The following RPGRIP1 variants were observed in gnomAD, a reference collection of about 807,000 sequenced individuals.
RPGRIP1 encodes the protein RPGR interacting protein 1.
RPGRIP1 carries 128 observed loss-of-function variants against 157.9 expected under a neutral mutation model. That is an observed-to-expected ratio of 0.81 (90% CI 0.70 to 0.94). RPGRIP1 has a LOEUF of 0.94. Ranked by LOEUF, RPGRIP1 falls within the 40% of genes least tolerant of loss-of-function variation. The pLI is 0.00. For synonymous variants in RPGRIP1, 554 were observed against 571.6 expected, an observed-to-expected ratio of 0.97 and a Z score of 0.44; for missense variants, 1,486 against 1,545.8, an observed-to-expected ratio of 0.96 and a Z score of 0.65.
At chr14:21,331,053 G>A (rs1232638887) in intron 20 of RPGRIP1, among the ~76,000 whole-genome samples, 7 of 151,784 alleles carry the variant, frequency 4.6e-5, no homozygotes, top group Admixed American at 3.9e-4. Context: ...GGGATTACAG[G>A]TATGTGCCAC....
intron 21 of RPGRIP1, among the ~76,000 whole-genome samples, chr14:21,342,160 T>C (rs1453030541): frequency 6.6e-6 from 1 of 152,064 alleles, no homozygotes; most frequent in Non-Finnish European, 1.5e-5. Flanking sequence ...CTCTTTGCTA[T>C]AGTGGCTGAA....
At chr14:21,346,252 CA>C (rs1188856822) in intron 23 of RPGRIP1, among the ~76,000 whole-genome samples, 1 of 142,294 alleles carries the variant, frequency 7.0e-6, no homozygotes, top group East Asian at 2.1e-4. Context: ...GGGACATACC[CA>C]AAAAAAAATT....
At chr14:21,338,435 A>G (rs1884636338) in intron 21 of RPGRIP1, among the ~76,000 whole-genome samples, 2 of 152,172 alleles carry the variant, frequency 1.3e-5, no homozygotes, top group African/African-American at 4.8e-5. Flanking sequence ...GGCACATCTG[A>G]GCTAATAAGC....
intron 20 of RPGRIP1, 98 bp downstream of exon 20, chr14:21,330,485 G>C: frequency 1.2e-6 from 1 of 828,284 alleles, no homozygotes. Flanking sequence ...TGGCCAACAT[G>C]ATGAAACCCG....
At chr14:21,340,078 T>C (rs1242153013) in intron 21 of RPGRIP1, among the ~76,000 whole-genome samples, 3 of 152,186 alleles carry the variant, frequency 2.0e-5, no homozygotes, top group Non-Finnish European at 4.4e-5. Flanking sequence ...GAGCTACCCA[T>C]GTACTGGGTA....
chr14:21,301,146 T>A lies in RPGRIP1; in HGVS notation c.399T>A (p.Pro133=). 1 of 1,596,338 alleles carries A rather than the reference T, an allele frequency of 6.3e-7. No homozygotes were observed. Among genetic ancestry groups the A allele is most frequent in the South Asian group, 1.1e-5 (1 of 89,266 alleles). ...RLQGHFHCVG[P]ASPRRAQPRV... ...AAGGGCATTTCCACTGCGTCGGCCCTGCCAGCCCCCGCCGCGCCCAGCCTC... is the reference window on the plus strand; with the variant it reads ...AAGGGCATTTCCACTGCGTCGGCCCAGCCAGCCCCCGCCGCGCCCAGCCTC... The change falls in exon 4 of 25, where the codon CCT becomes CCA. Residue 133 remains proline, a synonymous_variant. Transcript: ENST00000400017.
intron 21 of RPGRIP1, among the ~76,000 whole-genome samples, chr14:21,340,512 G>A (rs531746680): frequency 6.6e-5 from 10 of 152,164 alleles, no homozygotes; most frequent in Non-Finnish European, 1.5e-4. Context: ...AAAATTAGTC[G>A]GGCATGGTGG....
rs554241226 is a variant in RPGRIP1, at chr14:21,304,414, A to G, written c.800+871A>G. Among the ~76,000 whole-genome samples, 401 of 151,184 alleles carry G rather than the reference A, an allele frequency of 2.7e-3. 2 individuals are homozygous for G. Among genetic ancestry groups the G allele is most frequent in the South Asian group, 5.7e-3 (27 of 4,762 alleles). The stretch of plus-strand genomic sequence containing the variant: ...GAGAAAGAAAGAAAGAAAGAAAGAA[A>G]GAAAGAAAGAAAGAAAGAAAGAAAG... On this transcript the variant is annotated intron_variant, in intron 6 of 24. Coordinates refer to ENST00000400017, the MANE Select transcript of RPGRIP1 (RefSeq NM_020366.4).
chr14:21,318,729 C>G (rs572387404), intron 11 of RPGRIP1, among the ~76,000 whole-genome samples: 2 of 152,268 alleles, frequency 1.3e-5, no homozygotes, highest in East Asian at 3.9e-4. Context: ...CCCGCCTCAG[C>G]CTCCCAAAGT....
intron 10 of RPGRIP1, among the ~76,000 whole-genome samples, chr14:21,315,129 A>G (rs1174006417): frequency 2.0e-5 from 3 of 152,074 alleles, no homozygotes; most frequent in African/African-American, 7.2e-5. Context: ...GGTTGCATTG[A>G]GCCATGTGCA....
In RPGRIP1 at chr14:21,303,315, T is replaced by C. The variant is rs1436214002; in HGVS notation, c.588-16T>C. Reference sequence around the variant, plus strand: ...CTCCTGTAACAACAGTTTCTAAGTATCCTTTTTGTATTTAGTGTTTCTGGT... The same window carrying C: ...CTCCTGTAACAACAGTTTCTAAGTACCCTTTTTGTATTTAGTGTTTCTGGT... On this transcript the variant is annotated splice_polypyrimidine_tract_variant and intron_variant, in intron 5 of 24. Coordinates refer to ENST00000400017, the MANE Select transcript of RPGRIP1 (RefSeq NM_020366.4). 1 of 1,585,696 alleles carries C rather than the reference T, an allele frequency of 6.3e-7. No individual in the cohort carries two copies. The highest frequency in any genetic ancestry group is 2.2e-5 in the East Asian group (1 of 44,660).
At chr14:21,344,903 G>A (rs935921365) in intron 22 of RPGRIP1, among the ~76,000 whole-genome samples, 2 of 151,984 alleles carry the variant, frequency 1.3e-5, no homozygotes, top group African/African-American at 2.4e-5. Flanking sequence ...CCAAGATCAC[G>A]CCACTGCACT....
At chr14:21,334,118 C>T (rs1424047053) in intron 20 of RPGRIP1, among the ~76,000 whole-genome samples, 3 of 151,952 alleles carry the variant, frequency 2.0e-5, no homozygotes, top group East Asian at 3.9e-4. Context: ...GACGGGGCTT[C>T]ACCATGTTGG....
chr14:21,314,942 T>C (rs1022203546), intron 10 of RPGRIP1, among the ~76,000 whole-genome samples: 21 of 149,654 alleles, frequency 1.4e-4, no homozygotes, highest in African/African-American at 5.2e-4. Context: ...GCGAATTGCT[T>C]GGACCCGGGA....
intron 15 of RPGRIP1, 68 bp downstream of exon 15, chr14:21,325,138 T>G (rs1241307251): frequency 6.5e-7 from 1 of 1,538,194 alleles, no homozygotes; most frequent in Non-Finnish European, 8.7e-7. Flanking sequence ...TACAGTTGCT[T>G]TTCTGGTGGT....
rs143577922 is a variant in RPGRIP1 at position 21,285,364 on chromosome 14, G to A, written c.-38-2575G>A. On this transcript the variant is annotated intron_variant, in intron 1 of 24. Coordinates refer to ENST00000400017, the MANE Select transcript of RPGRIP1 (RefSeq NM_020366.4). ...CTCAAGCCTGTAATCCCAGCACTTT[G>A]GGAGGCCAAGGCAGGCAGATCACAA... Among the ~76,000 whole-genome samples the A allele has an allele frequency of 7.2e-5, 11 of 152,008 alleles. No homozygotes were observed. The East Asian group carries it at 2.1e-3, about 29-fold the overall frequency.
intron 24 of RPGRIP1, among the ~76,000 whole-genome samples, chr14:21,348,937 A>G (rs561898330): frequency 6.6e-6 from 1 of 152,186 alleles, no homozygotes; most frequent in South Asian, 2.1e-4. Flanking sequence ...CTGGGATTGC[A>G]GGTGTGAGCC....
chr14:21,339,531 T>G lies in RPGRIP1; in HGVS notation c.3340-3505T>G, dbSNP rs935388556. Among the ~76,000 whole-genome samples, 4 of 152,344 alleles carry G rather than the reference T, an allele frequency of 2.6e-5. No individual in the cohort carries two copies. In the East Asian group the frequency reaches 7.7e-4, roughly 29 times the overall value. On this transcript the variant is annotated intron_variant, in intron 21 of 24. Coordinates refer to ENST00000400017, the MANE Select transcript of RPGRIP1 (RefSeq NM_020366.4). ...AGTTTTACTCTTTTTTCTTCTTTTT[T>G]GGTAATGTTATGAAACATGTATTTT...
At chr14:21,343,887 TTTTTTTTTTTTTTTTTTTTTG>T (rs1316828060) in intron 22 of RPGRIP1, among the ~76,000 whole-genome samples, 2 of 89,122 alleles carry the variant, frequency 2.2e-5, no homozygotes, top group African/African-American at 8.5e-5. Context: ...TTTTTTTTTT[TTTTTTTTTTTTTTTTTTTTTG>T]AGATGGAGTC....
Sources: gnomAD v4.1 joint callset for allele counts (sites outside exome capture counted in the v4.1 genomes callset) on GRCh38, gnomAD v4.1.1 for gene constraint, MANE v1.5 for transcripts, NCBI Gene and HGNC (gene_info 2026-07-23, HGNC 2026-07-21) for gene names.